SEMA5B: variants seen among roughly 807,000 people sequenced by gnomAD.
The protein encoded by SEMA5B is semaphorin 5B.
In SEMA5B, 66 loss-of-function variants were observed where a neutral mutation model predicts 135.0. The ratio of observed to expected loss-of-function variants is 0.49; its 90% confidence interval spans 0.40 to 0.60. The LOEUF is 0.60. SEMA5B is among the 20% of genes least tolerant of loss of function. The pLI is 0.00. For missense variants in SEMA5B, 1,501 were observed against 1,566.3 expected, an observed-to-expected ratio of 0.96 and a Z score of 0.70; for synonymous variants, 690 against 639.5, an observed-to-expected ratio of 1.08 and a Z score of -1.19.
chr3:122,912,549 C>T (rs1234605323), intron 18 of SEMA5B, among the ~76,000 whole-genome samples: 1 of 151,986 alleles, frequency 6.6e-6, no homozygotes, highest in African/African-American at 2.4e-5. Flanking sequence ...GCAGAGACAC[C>T]CGGAGGGAGA....
At chr3:122,967,486 C>A (rs1940915829) in intron 1 of SEMA5B, among the ~76,000 whole-genome samples, 1 of 152,208 alleles carries the variant, frequency 6.6e-6, no homozygotes, top group Non-Finnish European at 1.5e-5. Context: ...ACACCTGCAA[C>A]CTTCTCCAGA....
chr3:122,927,315 T>A (rs967648295), intron 8 of SEMA5B, among the ~76,000 whole-genome samples: 1 of 152,080 alleles, frequency 6.6e-6, no homozygotes, highest in Non-Finnish European at 1.5e-5. Flanking sequence ...GTCTCCTGAG[T>A]AGGTAGGAAT....
chr3:122,973,505 G>A (rs1399814022), intron 1 of SEMA5B, among the ~76,000 whole-genome samples: 1 of 152,218 alleles, frequency 6.6e-6, no homozygotes, highest in Non-Finnish European at 1.5e-5. Context: ...AGGAGGGGTG[G>A]AACGTCAACA....
At chr3:122,968,210 T>C (rs1334244180) in intron 1 of SEMA5B, among the ~76,000 whole-genome samples, 2 of 152,258 alleles carry the variant, frequency 1.3e-5, no homozygotes, top group Non-Finnish European at 2.9e-5. Flanking sequence ...AAAAGGGCCT[T>C]GGGAGGTGAT....
chr3:122,920,473 G>T (rs981375383), intron 12 of SEMA5B, among the ~76,000 whole-genome samples: 39 of 152,182 alleles, frequency 2.6e-4, no homozygotes, highest in African/African-American at 8.9e-4. Context: ...AGACTCCAGA[G>T]GGCCTAGGAG....
In SEMA5B at chr3:122,983,753, G is replaced by T. The variant is rs556121486; in HGVS notation, c.-38-22452C>A. Among the ~76,000 whole-genome samples the T allele has an allele frequency of 2.7e-4, 32 of 120,594 alleles. No individual in the cohort carries two copies. The South Asian group carries it at 8.3e-3, about 31-fold the overall frequency. The allele number at this position is 120,594 out of a possible 152,430, so 79.1% of individuals were successfully genotyped here. On this transcript the variant is annotated intron_variant, in intron 1 of 22. Transcript: ENST00000357599. ...AAAAAAAAAAAAAAAAAAAAAAAAA[G>T]GTAGATTGGAGGCTACTGATGTTTA...
intron 8 of SEMA5B, 81 bp downstream of exon 8, chr3:122,927,709 G>C: frequency 9.4e-7 from 1 of 1,065,920 alleles, no homozygotes; most frequent in Non-Finnish European, 1.3e-6. Context: ...TGGCAGGAAG[G>C]AGGATGAATG....
chr3:122,921,819 G>T (rs921976380), intron 12 of SEMA5B, 96 bp downstream of exon 12: 2 of 1,027,204 alleles, frequency 1.9e-6, no homozygotes, highest in African/African-American at 3.3e-5. Context: ...AGTGGAGACT[G>T]CAGGGACCGA....
chr3:122,911,172 C>T (rs1937678777), intron 21 of SEMA5B, 127 bp from the exon 22 acceptor site: 6 of 1,028,322 alleles, frequency 5.8e-6, no homozygotes, highest in Admixed American at 2.7e-5. Flanking sequence ...TCTGAGGCCA[C>T]AGCCAAAGGA....
chr3:122,910,336 A>T (rs1361585835), intron 22 of SEMA5B, 35 bp from the exon 23 acceptor site: 3 of 1,609,622 alleles, frequency 1.9e-6, no homozygotes, highest in Non-Finnish European at 2.5e-6. Flanking sequence ...GAAAGGGGTG[A>T]GGGAACACAC....
intron 4 of SEMA5B, among the ~76,000 whole-genome samples, chr3:122,942,219 A>G (rs1939592131): frequency 6.6e-6 from 1 of 152,218 alleles, no homozygotes; most frequent in African/African-American, 2.4e-5. Flanking sequence ...TGTAACCCAG[A>G]CTTTACAGAT....
Position 122,948,587 on chromosome 3 carries a change from T to C in SEMA5B, c.247A>G (p.Ser83Gly). ...SLTLLVSHLS[S>G]SQDVSSEPSS... Reference sequence around the variant, plus strand: ...GGCTCACTGGAGACATCCTGGGAGCTGGAGAGGTGGGACACCAGCAGTGTG... The same window carrying C: ...GGCTCACTGGAGACATCCTGGGAGCCGGAGAGGTGGGACACCAGCAGTGTG... Residue 83 changes from serine to glycine, a missense_variant, in exon 3 of 23, where the codon AGC becomes GGC. Around this residue, in one of 2 missense-constraint regions of SEMA5B, gnomAD observed 574 missense variants for 684.7 expected, o/e 0.84. Coordinates refer to ENST00000357599, the MANE Select transcript of SEMA5B (RefSeq NM_001031702.4). The C allele has an allele frequency of 6.2e-7, 1 of 1,613,940 alleles. No homozygotes were observed. The highest frequency in any genetic ancestry group is 8.5e-7 in the Non-Finnish European group (1 of 1,179,922).
chr3:122,925,815 A>G (rs1363567659), intron 9 of SEMA5B, among the ~76,000 whole-genome samples: 2 of 150,742 alleles, frequency 1.3e-5, no homozygotes, highest in African/African-American at 2.4e-5. Flanking sequence ...AGCTTGGTCT[A>G]TAGGAAAGTC....
At chr3:122,987,234 AG>A (rs1296988659) in intron 1 of SEMA5B, among the ~76,000 whole-genome samples, 1 of 152,086 alleles carries the variant, frequency 6.6e-6, no homozygotes, top group Non-Finnish European at 1.5e-5. Flanking sequence ...ATGCAGGTGG[AG>A]GGGGGAATCT....
chr3:122,942,747 G>A (rs1048017524), intron 4 of SEMA5B, among the ~76,000 whole-genome samples: 4 of 152,290 alleles, frequency 2.6e-5, no homozygotes, highest in African/African-American at 9.6e-5. Flanking sequence ...TGACTCAAGA[G>A]GTCTGAGAAG....
rs1242413070 is a variant in SEMA5B, at chr3:122,913,156, G to A, written c.2506+43C>T. On this transcript the variant is annotated intron_variant, in intron 17 of 22. Transcript: ENST00000357599. ...CTCCCGCCCCCGCCCTCACCGCTCC[G>A]GGGCTGGGAGAGAGGAAGGAGGGGG... The A allele has an allele frequency of 2.4e-5, 35 of 1,482,752 alleles. 1 individual carries two copies. The highest frequency in any genetic ancestry group is 7.2e-5 in the African/African-American group (5 of 69,264). The allele number at this position is 1,482,752 out of a possible 1,614,324, so 91.8% of individuals were successfully genotyped here.
intron 5 of SEMA5B, among the ~76,000 whole-genome samples, chr3:122,931,995 T>C (rs1328065429): frequency 6.6e-6 from 1 of 152,232 alleles, no homozygotes; most frequent in African/African-American, 2.4e-5. Context: ...TGGCTGAATG[T>C]GACTGTCAGA....
chr3:123,002,555 A>G lies in SEMA5B; in HGVS notation c.-39+24909T>C, dbSNP rs148760815. On this transcript the variant is annotated intron_variant, in intron 1 of 22. Transcript: ENST00000357599. ...ACCAATTAACTAAGTGAGAAGCTCAAGCTGTGAATCCTGAAGTGTTGTAAC... is the reference window on the plus strand; with the variant it reads ...ACCAATTAACTAAGTGAGAAGCTCAGGCTGTGAATCCTGAAGTGTTGTAAC... 2.3e-3 allele frequency among the ~76,000 whole-genome samples: 353 copies of G among 152,366 alleles called. 2 individuals carry two copies. Among genetic ancestry groups the G allele is most frequent in the African/African-American group, 8.1e-3 (337 of 41,586 alleles).
rs1312791375 is a variant in SEMA5B, at chr3:122,919,000, T to C, written c.1688+2915A>G. 2.0e-5 allele frequency among the ~76,000 whole-genome samples: 3 copies of C among 148,626 alleles called. No homozygotes were observed. In the East Asian group the frequency reaches 5.9e-4, roughly 29 times the overall value. ...AATAATATATCACCATGTCTTTTTT[T>C]TTTTTTTTTTTTTTTTTTACTGCAA... On this transcript the variant is annotated intron_variant, in intron 12 of 22. Transcript: ENST00000357599.
Sources: gnomAD v4.1 joint callset for allele counts (sites outside exome capture counted in the v4.1 genomes callset) on GRCh38, gnomAD v4.1.1 for gene constraint, gnomAD v4.1.1 regional missense constraint, MANE v1.5 for transcripts, NCBI Gene and HGNC (gene_info 2026-07-23, HGNC 2026-07-21) for gene names.